Variants in GPC6 observed in about 807,000 individuals in gnomAD.
GPC6 encodes glypican-6.
A neutral mutation model predicts 55.2 loss-of-function variants in GPC6; 14 were observed. The observed-to-expected ratio is 0.25, with a 90% confidence interval of 0.17 to 0.40. The LOEUF (loss-of-function observed/expected upper bound fraction) is 0.40. GPC6 is among the 10% of genes least tolerant of loss of function. The pLI, the probability that GPC6 is intolerant of heterozygous loss-of-function variation, is 1.00. For missense variants in GPC6, 641 were observed against 708.5 expected (o/e 0.90, Z 1.08); for synonymous variants, 278 against 259.6 (o/e 1.07, Z -0.68).
At chr13:93,756,426 G>A (rs1393711431) in intron 2 of GPC6, among the ~76,000 whole-genome samples, 2 of 152,122 alleles carry the variant, frequency 1.3e-5, no homozygotes, top group Non-Finnish European at 2.9e-5. Flanking sequence ...GCTGGTCAGA[G>A]GCCATCTACA....
In GPC6 at chr13:93,830,148, C is replaced by G. The variant is rs377404400; in HGVS notation, c.320-6C>G. The G allele has an allele frequency of 1.2e-6, 2 of 1,606,884 alleles. No individual in the cohort carries two copies. Among genetic ancestry groups the G allele is most frequent in the Non-Finnish European group, 1.7e-6 (2 of 1,175,658 alleles). ...AATTTATGACTTCTTTCTGTTTTAT[C>G]TGCAGAATTTTTCCGAGAGCTCCTG... On this transcript the variant is annotated splice_region_variant and splice_polypyrimidine_tract_variant and intron_variant, in intron 2 of 8. Coordinates refer to ENST00000377047, the MANE Select transcript of GPC6 (RefSeq NM_005708.5).
At chr13:93,347,953 A>G (rs1181594591) in intron 1 of GPC6, among the ~76,000 whole-genome samples, 1 of 152,214 alleles carries the variant, frequency 6.6e-6, no homozygotes, top group Non-Finnish European at 1.5e-5. Context: ...TCTGTTTTGC[A>G]GGATGCACAA....
chr13:94,133,887 C>A (rs1441809632), intron 4 of GPC6, among the ~76,000 whole-genome samples: 1 of 152,142 alleles, frequency 6.6e-6, no homozygotes. Flanking sequence ...AACTGATCCA[C>A]CTCCTGCCAA....
At chr13:93,406,788 T>G (rs1231010411) in intron 1 of GPC6, among the ~76,000 whole-genome samples, 1 of 152,146 alleles carries the variant, frequency 6.6e-6, no homozygotes, top group Non-Finnish European at 1.5e-5. Context: ...TCTTGCCAAA[T>G]CTACTCATTA....
rs1288524703 is a variant in GPC6 at position 94,382,417 on chromosome 13, A to G, written c.1156A>G (p.Thr386Ala). 6.2e-7 allele frequency: 1 copy of G among 1,614,024 alleles called. No individual in the cohort carries two copies. Among genetic ancestry groups the G allele is most frequent in the Non-Finnish European group, 8.5e-7 (1 of 1,179,970 alleles). The change falls in exon 7 of 9, where the codon ACA becomes GCA. Residue 386 changes from threonine to alanine, a missense_variant. Coordinates refer to ENST00000377047, the MANE Select transcript of GPC6 (RefSeq NM_005708.5). ...CTTTCCTTGGTTTCTTGATCAGGTC[A>G]CAGACATAAAAGAGAAATTGAAGCT... ...AAGTSLDRLV[T>A]DIKEKLKLSK...
At chr13:94,352,819 G>C (rs1356977217) in intron 6 of GPC6, among the ~76,000 whole-genome samples, 2 of 152,192 alleles carry the variant, frequency 1.3e-5, no homozygotes, top group Non-Finnish European at 1.5e-5. Flanking sequence ...AGATAGACCA[G>C]AATTATGTCT....
chr13:94,165,295 T>C (rs1245956649), intron 4 of GPC6, among the ~76,000 whole-genome samples: 1 of 148,672 alleles, frequency 6.7e-6, no homozygotes, highest in Non-Finnish European at 1.5e-5. Flanking sequence ...TATATATACA[T>C]AATGGAATAC....
chr13:93,562,195 C>A (rs943772935), intron 2 of GPC6, among the ~76,000 whole-genome samples: 1 of 151,876 alleles, frequency 6.6e-6, no homozygotes, highest in African/African-American at 2.4e-5. Context: ...TATTTAGTGC[C>A]GTTACCAGAC....
In GPC6 at chr13:93,573,014, A is replaced by G. The variant is rs538837993; in HGVS notation, c.319+27593A>G. On this transcript the variant is annotated intron_variant, in intron 2 of 8. Coordinates refer to ENST00000377047, the MANE Select transcript of GPC6 (RefSeq NM_005708.5). The stretch of plus-strand genomic sequence containing the variant: ...TATCAACTGAAGTGGTGAAGGAGGC[A>G]GGGGAAAAGGTTAGAGTATTTCAAG... Among the ~76,000 whole-genome samples, 266 of 152,206 alleles carry G rather than the reference A, an allele frequency of 1.7e-3. 1 individual carries two copies. The highest frequency in any genetic ancestry group is 6.3e-3 in the African/African-American group (260 of 41,536).
At chr13:94,276,237 T>C (rs1467330814) in intron 4 of GPC6, among the ~76,000 whole-genome samples, 1 of 152,214 alleles carries the variant, frequency 6.6e-6, no homozygotes, top group African/African-American at 2.4e-5. Flanking sequence ...CTTTGTAAAC[T>C]TGAATCCTTA....
intron 1 of GPC6, among the ~76,000 whole-genome samples, chr13:93,423,206 G>GA (rs1417773004): frequency 1.3e-5 from 2 of 152,052 alleles, no homozygotes; most frequent in Non-Finnish European, 2.9e-5. Flanking sequence ...AGGGACATGA[G>GA]AAAAATTAAT....
chr13:94,219,938 T>C (rs968535796), intron 4 of GPC6, among the ~76,000 whole-genome samples: 6 of 152,170 alleles, frequency 3.9e-5, no homozygotes, highest in Non-Finnish European at 5.9e-5. Flanking sequence ...GGAGGATTCA[T>C]TGGTTTCAGG....
intron 2 of GPC6, among the ~76,000 whole-genome samples, chr13:93,780,892 T>A (rs1344292182): frequency 1.3e-5 from 2 of 152,212 alleles, no homozygotes; most frequent in Non-Finnish European, 2.9e-5. Flanking sequence ...TGAAAATTTA[T>A]TTTTTTGATT....
intron 1 of GPC6, among the ~76,000 whole-genome samples, chr13:93,235,529 CACTT>C (rs1245702700): frequency 1.3e-5 from 2 of 151,818 alleles, no homozygotes; most frequent in Admixed American, 1.3e-4. Context: ...AGCTAGGAGA[CACTT>C]AAATTTTAGA....
intron 6 of GPC6, among the ~76,000 whole-genome samples, chr13:94,374,269 C>A (rs1386221231): frequency 2.0e-5 from 3 of 151,502 alleles, no homozygotes; most frequent in African/African-American, 7.3e-5. Flanking sequence ...CACAGACTGG[C>A]AAATTGGATG....
At chr13:94,191,923 G>T (rs949967787) in intron 4 of GPC6, among the ~76,000 whole-genome samples, 1 of 152,142 alleles carries the variant, frequency 6.6e-6, no homozygotes, top group African/African-American at 2.4e-5. Flanking sequence ...AGAAGCTTGT[G>T]TGCTGGATTC....
In GPC6 at chr13:94,405,641, A is replaced by C. The variant is rs1466486625; in HGVS notation, c.*2424A>C. 6.6e-6 allele frequency: 1 copy of C among 152,184 alleles called. No homozygotes were observed. The highest frequency in any genetic ancestry group is 2.4e-5 in the African/African-American group (1 of 41,446). 9.4% of individuals were successfully genotyped at this position (152,184 alleles called of 1,614,324 possible). On this transcript the variant is annotated 3_prime_UTR_variant, in exon 9 of 9. Coordinates refer to ENST00000377047, the MANE Select transcript of GPC6 (RefSeq NM_005708.5). ...ATTAGTGAATGTGAACCCATGTTCT[A>C]TACGCACTAAACACACAGTTAATAT...
At chr13:93,929,084 A>G (rs1020427463) in intron 3 of GPC6, among the ~76,000 whole-genome samples, 24 of 152,024 alleles carry the variant, frequency 1.6e-4, no homozygotes, top group African/African-American at 5.8e-4. Flanking sequence ...TCACCCCTGG[A>G]TACTTCAAAA....
chr13:93,724,240 A>G (rs1883549146), intron 2 of GPC6, among the ~76,000 whole-genome samples: 1 of 151,978 alleles, frequency 6.6e-6, no homozygotes, highest in Admixed American at 6.6e-5. Flanking sequence ...ACAGGTACAC[A>G]CTTTCAGTTT....
Sources: allele counts gnomAD v4.1 joint callset (sites outside exome capture counted in the v4.1 genomes callset), GRCh38; gene constraint gnomAD v4.1.1; transcripts MANE v1.5; gene names NCBI Gene and HGNC (gene_info 2026-07-23, HGNC 2026-07-21).